The following DHX32 variants were observed in gnomAD, a reference collection of about 807,000 sequenced individuals.
DHX32 encodes DEAH-box helicase 32 (putative), also known as putative pre-mRNA-splicing factor ATP-dependent RNA helicase DHX32.
In DHX32, 51 loss-of-function variants were observed where a neutral mutation model predicts 70.0. The ratio of observed to expected loss-of-function variants is 0.73; its 90% CI spans 0.58 to 0.92. DHX32 has a LOEUF of 0.92. DHX32 is among the 40% of genes least tolerant of loss of function. The pLI, the probability that DHX32 is intolerant of heterozygous loss-of-function variation, is 0.00. For missense variants in DHX32, 762 were observed against 891.8 expected (o/e 0.85, Z 1.85); for synonymous variants, 310 against 315.3 (o/e 0.98, Z 0.18).
chr10:125,853,506 A>C (rs563901177), intron 4 of DHX32: 26 of 233,294 alleles, frequency 1.1e-4, no homozygotes, highest in African/African-American at 5.2e-4. Context: ...TGCTAAAATT[A>C]AAGTCAGTAT....
At chr10:125,867,416 G>C (rs568567420) in intron 1 of DHX32, among the ~76,000 whole-genome samples, 1 of 152,302 alleles carries the variant, frequency 6.6e-6, no homozygotes, top group African/African-American at 2.4e-5. Context: ...GTGAAAGTTT[G>C]ACTGCCAGAC....
intron 4 of DHX32, chr10:125,853,164 AG>A (rs1265145882): frequency 6.2e-7 from 1 of 1,613,248 alleles, no homozygotes. Context: ...GTTTCTCTGA[AG>A]GCTGGACTAA....
intron 6 of DHX32, among the ~76,000 whole-genome samples, chr10:125,843,517 C>T (rs1421957814): frequency 6.6e-6 from 1 of 151,780 alleles, no homozygotes; most frequent in East Asian, 1.9e-4. Flanking sequence ...GAGGTTGAGG[C>T]AGGAGAATGG....
chr10:125,872,892 G>A (rs905993842), intron 1 of DHX32, among the ~76,000 whole-genome samples: 10 of 152,148 alleles, frequency 6.6e-5, no homozygotes, highest in African/African-American at 1.9e-4. Flanking sequence ...GGAGTCCTCC[G>A]GGTAATCAAA....
At chr10:125,844,586 C>A (rs1431568096) in intron 6 of DHX32, among the ~76,000 whole-genome samples, 3 of 152,206 alleles carry the variant, frequency 2.0e-5, no homozygotes, top group Non-Finnish European at 4.4e-5. Flanking sequence ...TAATAAATAA[C>A]TAAATAGGAT....
chr10:125,883,468 G>A (rs141720708), upstream of DHX32, among the ~76,000 whole-genome samples: 29 of 152,106 alleles, frequency 1.9e-4, no homozygotes, highest in East Asian at 3.9e-4. Flanking sequence ...AGGTACCCAC[G>A]CCCAAGCCAC....
intron 8 of DHX32, among the ~76,000 whole-genome samples, chr10:125,839,742 A>T (rs113117556): frequency 2.0e-5 from 3 of 152,320 alleles, no homozygotes; most frequent in African/African-American, 7.2e-5. Flanking sequence ...TTTATCTTAA[A>T]ATTCAGGCAT....
At chr10:125,859,021 G>GT (rs574242863) in intron 3 of DHX32, among the ~76,000 whole-genome samples, 2,555 of 139,482 alleles carry the variant, frequency 0.018, 41 homozygotes, top group Non-Finnish European at 0.025. Flanking sequence ...TGAGTTAAAG[G>GT]TTTTTTTTTT....
intron 1 of DHX32, among the ~76,000 whole-genome samples, chr10:125,886,340 C>T (rs77973564): frequency 6.7e-6 from 1 of 149,418 alleles, no homozygotes; most frequent in Non-Finnish European, 1.5e-5. Flanking sequence ...CATTTTTTCT[C>T]CTTAAGACCA....
chr10:125,846,076 A>G (rs149671328), intron 6 of DHX32, among the ~76,000 whole-genome samples: 1 of 152,314 alleles, frequency 6.6e-6, no homozygotes, highest in East Asian at 1.9e-4. Flanking sequence ...GTTCTGGGGA[A>G]GACTATCGGC....
At chr10:125,877,029 G>A (rs1944288538) in intron 1 of DHX32, among the ~76,000 whole-genome samples, 1 of 152,146 alleles carries the variant, frequency 6.6e-6, no homozygotes, top group African/African-American at 2.4e-5. Context: ...GAATAAAAAT[G>A]TGTATGAATG....
intron 6 of DHX32, among the ~76,000 whole-genome samples, chr10:125,850,922 G>A (rs1024502055): frequency 6.6e-6 from 1 of 152,168 alleles, no homozygotes; most frequent in South Asian, 2.1e-4. Flanking sequence ...GCAGTCTCAG[G>A]CCATCTGTTT....
At chr10:125,870,836 C>CAAAAAAAAAAAAAAAAAAAAAA (rs1339174313) in intron 1 of DHX32, among the ~76,000 whole-genome samples, 1 of 151,530 alleles carries the variant, frequency 6.6e-6, no homozygotes, top group Non-Finnish European at 1.5e-5. Context: ...GACTCTGTCT[C>CAAAAAAAAAAAAAAAAAAAAAA]AAAAAAATAA....
At chr10:125,851,562 G>A (rs1310723985) in intron 6 of DHX32, among the ~76,000 whole-genome samples, 2 of 152,152 alleles carry the variant, frequency 1.3e-5, no homozygotes, top group African/African-American at 4.8e-5. Flanking sequence ...AGTGGGACTG[G>A]AAGAGCAATT....
At chr10:125,844,914 A>G (rs1316425564) in intron 6 of DHX32, among the ~76,000 whole-genome samples, 2 of 152,190 alleles carry the variant, frequency 1.3e-5, no homozygotes, top group African/African-American at 4.8e-5. Context: ...CTCCACTACC[A>G]TCACTCAAAG....
In DHX32 at chr10:125,888,224, G is replaced by C. The variant is rs1160956936; in HGVS notation, c.-247-7153C>G. On this transcript the variant is annotated intron_variant, in intron 1 of 2. Transcript: ENST00000415732. ...TGCATTTTTTTTTTTTTTTTTTAAA[G>C]ACAGGGTCTTACTCCGTCGCCCAGG... Among the ~76,000 whole-genome samples the C allele has an allele frequency of 2.2e-5, 3 of 135,182 alleles. No homozygotes were observed. In the East Asian group the frequency reaches 6.3e-4, roughly 28 times the overall value. The allele number at this position is 135,182 out of a possible 152,430, so 88.7% of individuals were successfully genotyped here. A position where few individuals can be genotyped will look rare whatever the true frequency, so the allele number is the denominator to read the frequency against.
At chr10:125,839,373 C>A (rs1204713640) in intron 8 of DHX32, among the ~76,000 whole-genome samples, 185 bp from the exon 9 acceptor site, 1 of 152,254 alleles carries the variant, frequency 6.6e-6, no homozygotes, top group Non-Finnish European at 1.5e-5. Context: ...GCTGTCAGGG[C>A]ACTACCAGGA....
chr10:125,839,877 G>C (rs913019618), intron 8 of DHX32, among the ~76,000 whole-genome samples: 4 of 152,146 alleles, frequency 2.6e-5, no homozygotes, highest in African/African-American at 9.7e-5. Context: ...CACTCATGCT[G>C]CTCGGAGCAA....
At chr10:125,867,304 G>A (rs1035959001) in intron 1 of DHX32, 121 bp from the exon 2 acceptor site, 4 of 770,680 alleles carry the variant, frequency 5.2e-6, no homozygotes, top group Non-Finnish European at 8.2e-6. Flanking sequence ...TCAGCAGTGG[G>A]CTGTATTACA....
Sources: gnomAD v4.1 joint callset for allele counts (sites outside exome capture counted in the v4.1 genomes callset) on GRCh38, gnomAD v4.1.1 for gene constraint, MANE v1.5 for transcripts, NCBI Gene and HGNC (gene_info 2026-07-23, HGNC 2026-07-21) for gene names.